Variants in ANKRD12 observed in about 807,000 individuals in gnomAD.
The protein encoded by ANKRD12 is ankyrin repeat domain 12, also known as ankyrin repeat domain-containing protein 12.
A neutral mutation model predicts 183.4 loss-of-function variants in ANKRD12; 85 were observed. The observed-to-expected ratio is 0.46, with a 90% CI of 0.39 to 0.56. ANKRD12 has a LOEUF of 0.56. Among genes scored for constraint, ANKRD12 ranks in the 20% least tolerant of loss-of-function variants. ANKRD12 has a pLI of 0.00. For missense variants in ANKRD12, 2,405 were observed against 2,357.1 expected (o/e 1.02, Z -0.42); for synonymous variants, 914 against 800.2 (o/e 1.14, Z -2.40).
intron 8 of ANKRD12, among the ~76,000 whole-genome samples, chr18:9,224,990 T>C (rs2036626462): frequency 6.6e-6 from 1 of 152,186 alleles, no homozygotes; most frequent in Non-Finnish European, 1.5e-5. Flanking sequence ...CAATTCCAGC[T>C]ATTCCAGGAG....
intron 2 of ANKRD12, among the ~76,000 whole-genome samples, chr18:9,183,999 A>T (rs1337182098): frequency 6.6e-6 from 1 of 152,094 alleles, no homozygotes; most frequent in African/African-American, 2.4e-5. Flanking sequence ...GGAGATTGTA[A>T]TACACATCCT....
chr18:9,230,148 A>G (rs2036958832), intron 8 of ANKRD12, among the ~76,000 whole-genome samples: 1 of 152,074 alleles, frequency 6.6e-6, no homozygotes, highest in Non-Finnish European at 1.5e-5. Flanking sequence ...TTTCTTTGTT[A>G]GGAGACTTTT....
chr18:9,226,961 G>T (rs982493972), intron 8 of ANKRD12, among the ~76,000 whole-genome samples: 1 of 152,134 alleles, frequency 6.6e-6, no homozygotes, highest in Non-Finnish European at 1.5e-5. Flanking sequence ...TCCTAGACTG[G>T]ATCCTGTACT....
At chr18:9,243,990 A>G (rs983340271) in intron 8 of ANKRD12, among the ~76,000 whole-genome samples, 1 of 152,128 alleles carries the variant, frequency 6.6e-6, no homozygotes, top group African/African-American at 2.4e-5. Context: ...ATAAATACAA[A>G]GAAAAATTGG....
At chr18:9,173,907 T>C (rs1269580626) in intron 1 of ANKRD12, among the ~76,000 whole-genome samples, 1 of 152,154 alleles carries the variant, frequency 6.6e-6, no homozygotes, top group Non-Finnish European at 1.5e-5. Flanking sequence ...GAAGAAAGGC[T>C]TAGTCAACTG....
At chr18:9,219,563 G>A (rs1202426796) in intron 7 of ANKRD12, among the ~76,000 whole-genome samples, 1 of 151,908 alleles carries the variant, frequency 6.6e-6, no homozygotes, top group African/African-American at 2.4e-5. Flanking sequence ...GGCTTTGCAG[G>A]CCACATACTC....
intron 1 of ANKRD12, among the ~76,000 whole-genome samples, chr18:9,177,008 C>T (rs1417400684): frequency 6.6e-6 from 1 of 152,154 alleles, no homozygotes; most frequent in Middle Eastern, 3.2e-3. Context: ...CAAGAACATA[C>T]TAATTTTAAG....
intron 4 of ANKRD12, 36 bp downstream of exon 4, chr18:9,204,580 G>T: frequency 1.4e-6 from 2 of 1,421,892 alleles, no homozygotes; most frequent in East Asian, 2.4e-5. Flanking sequence ...TTTAGCCAGT[G>T]GTTTCTGTCA....
chr18:9,163,671 A>G (rs1042045507), intron 1 of ANKRD12, among the ~76,000 whole-genome samples: 10 of 152,134 alleles, frequency 6.6e-5, no homozygotes, highest in African/African-American at 2.2e-4. Context: ...ATGAGCATGG[A>G]ATGTTTTTCC....
At chr18:9,196,707 TG>T (rs1473506399) in intron 3 of ANKRD12, among the ~76,000 whole-genome samples, 2 of 152,244 alleles carry the variant, frequency 1.3e-5, no homozygotes, top group Non-Finnish European at 2.9e-5. Context: ...TTGCCACTGC[TG>T]TTGTGTGAAT....
intron 1 of ANKRD12, among the ~76,000 whole-genome samples, chr18:9,155,729 TTTTG>T (rs919203775): frequency 1.3e-5 from 2 of 152,174 alleles, no homozygotes; most frequent in Non-Finnish European, 2.9e-5. Context: ...CTTTTGTGTT[TTTTG>T]TTCTTTGTTC....
At chr18:9,264,312 G>A (rs1008957897) in intron 10 of ANKRD12, among the ~76,000 whole-genome samples, 8 of 152,126 alleles carry the variant, frequency 5.3e-5, no homozygotes, top group East Asian at 1.9e-4. Context: ...TAGTCTTGGC[G>A]TGAAATTACA....
chr18:9,167,052 C>CTCTGT (rs1428283576), intron 1 of ANKRD12, among the ~76,000 whole-genome samples: 1 of 152,016 alleles, frequency 6.6e-6, no homozygotes, highest in East Asian at 1.9e-4. Flanking sequence ...TTTCTGAGGG[C>CTCTGT]TCTGTTCTGT....
chr18:9,209,017 T>C (rs568496081), intron 5 of ANKRD12, among the ~76,000 whole-genome samples: 1 of 152,338 alleles, frequency 6.6e-6, no homozygotes, highest in South Asian at 2.1e-4. Context: ...AGAGTAGGGC[T>C]CTTTACACCA....
chr18:9,196,108 A>AACACACAC (rs36156556), intron 3 of ANKRD12, among the ~76,000 whole-genome samples: 18 of 64,164 alleles, frequency 2.8e-4, no homozygotes, highest in East Asian at 1.4e-3. Flanking sequence ...GAAACATGCA[A>AACACACAC]ACACACACAC....
chr18:9,264,346 A>G (rs1474003381), intron 10 of ANKRD12, among the ~76,000 whole-genome samples: 1 of 152,226 alleles, frequency 6.6e-6, no homozygotes, highest in Non-Finnish European at 1.5e-5. Flanking sequence ...TTATCGGGTT[A>G]TTTATAGGAA....
At position 9,285,380 on chromosome 18, in the gene ANKRD12, C is replaced by A. The variant is rs2040198544; in HGVS notation, c.*4254C>A. 1 of 145,222 alleles carries A rather than the reference C, an allele frequency of 6.9e-6. No homozygotes were observed. The highest frequency in any genetic ancestry group is 1.5e-5 in the Non-Finnish European group (1 of 66,858). 9.0% of individuals were successfully genotyped at this position (145,222 alleles called of 1,614,324 possible). On this transcript the variant is annotated 3_prime_UTR_variant, in exon 13 of 13. Transcript: ENST00000262126. Reference sequence around the variant, plus strand: ...CTGGAGGCGGAGGTTGCAGTGAGCTCACGCCACTGCACCCCAGCCTGGGCA... The same window carrying A: ...CTGGAGGCGGAGGTTGCAGTGAGCTAACGCCACTGCACCCCAGCCTGGGCA...
intron 8 of ANKRD12, among the ~76,000 whole-genome samples, chr18:9,236,315 C>T (rs1236557306): frequency 6.6e-6 from 1 of 152,110 alleles, no homozygotes; most frequent in Non-Finnish European, 1.5e-5. Flanking sequence ...GCTTACCAAC[C>T]CTCCAGGATT....
At chr18:9,137,330 C>T (rs994756905) in intron 1 of ANKRD12, among the ~76,000 whole-genome samples, 1 of 146,438 alleles carries the variant, frequency 6.8e-6, no homozygotes, top group African/African-American at 2.4e-5. Flanking sequence ...CGGAGGGCCG[C>T]GAGCTGGCCT....
Sources: gnomAD v4.1 joint callset for allele counts (sites outside exome capture counted in the v4.1 genomes callset) on GRCh38, gnomAD v4.1.1 for gene constraint, MANE v1.5 for transcripts, NCBI Gene and HGNC (gene_info 2026-07-23, HGNC 2026-07-21) for gene names.